The following ANAPC1 variants were observed in gnomAD, a reference collection of about 807,000 sequenced individuals.
The protein encoded by ANAPC1 is anaphase-promoting complex subunit 1.
Under a neutral mutation model 208.0 loss-of-function variants are expected in ANAPC1, and 36 were observed. That is an observed-to-expected ratio of 0.17 (90% CI 0.13 to 0.23). The LOEUF is 0.23. Among genes scored for constraint, ANAPC1 ranks in the 10% least tolerant of loss-of-function variants. The probability of loss-of-function intolerance (pLI) is 1.00; values close to 1 mark genes in which losing one functional copy is unlikely to be tolerated. For missense variants in ANAPC1, 942 were observed against 2,011.6 expected, an observed-to-expected ratio of 0.47 and a Z score of 10.17; for synonymous variants, 378 against 695.2, an observed-to-expected ratio of 0.54 and a Z score of 7.18.
At chr2:111,874,538 C>A (rs1480327089) in intron 3 of ANAPC1, among the ~76,000 whole-genome samples, 5 of 151,874 alleles carry the variant, frequency 3.3e-5, no homozygotes, top group African/African-American at 1.2e-4. Context: ...CCTTTTATAT[C>A]TATTTTATTT....
At position 111,855,937 on chromosome 2, in the gene ANAPC1, T is replaced by C. The variant is rs748685504; in HGVS notation, c.1515+677A>G. On this transcript the variant is annotated intron_variant, in intron 13 of 47. Transcript: ENST00000341068. ...TTCTCTACGTACATTTCACAAATGT[T>C]AAAAAATACAGCTAGCGGCTGGGCG... is the stretch of plus-strand genomic sequence containing the variant. Among the ~76,000 whole-genome samples, 39 of 152,272 alleles carry C rather than the reference T, an allele frequency of 2.6e-4. No homozygotes were observed. The Middle Eastern group carries it at 0.017, about 66-fold the overall frequency.
At chr2:111,856,166 C>T (rs191696116) in intron 13 of ANAPC1, among the ~76,000 whole-genome samples, 1,552 of 152,232 alleles carry the variant, frequency 0.01, 10 homozygotes, top group Non-Finnish European at 0.017. Flanking sequence ...ACCCGGGAGG[C>T]GGAGCTTGCA....
chr2:111,799,028 C>A (rs1678305201), intron 34 of ANAPC1, among the ~76,000 whole-genome samples: 1 of 148,444 alleles, frequency 6.7e-6, no homozygotes, highest in African/African-American at 2.5e-5. Flanking sequence ...AGCAAGACTC[C>A]ATCTCAAAAA....
intron 43 of ANAPC1, among the ~76,000 whole-genome samples, chr2:111,781,433 G>T (rs919151222): frequency 4.6e-5 from 7 of 151,894 alleles, no homozygotes; most frequent in African/African-American, 1.7e-4. Flanking sequence ...GTCAACCCTG[G>T]GAACTATTTA....
At chr2:111,857,564 C>T (rs1311842844) in intron 11 of ANAPC1, among the ~76,000 whole-genome samples, 1 of 152,208 alleles carries the variant, frequency 6.6e-6, no homozygotes, top group Admixed American at 6.5e-5. Context: ...GATAAAGAGA[C>T]ATTAACCTTC....
Position 111,863,914 on chromosome 2 carries a change from G to C in ANAPC1, c.832-19C>G. 6.8e-7 allele frequency: 1 copy of C among 1,478,490 alleles called. No individual in the cohort carries two copies. The highest frequency in any genetic ancestry group is 9.0e-7 in the Non-Finnish European group (1 of 1,115,582). The allele number at this position is 1,478,490 out of a possible 1,614,324, so 91.6% of individuals were successfully genotyped here. A position where few individuals can be genotyped will look rare whatever the true frequency, so the allele number is the denominator to read the frequency against. On this transcript the variant is annotated intron_variant, in intron 8 of 47. Coordinates refer to ENST00000341068, the MANE Select transcript of ANAPC1 (RefSeq NM_022662.4). ...TCTCTTCCTTAAGTCAAAATAAAGA[G>C]AAAGAGGAAAAAAAAAAAAACAATA...
At chr2:111,857,104 C>T (rs7606844) in intron 11 of ANAPC1, 1 of 484,978 alleles carries the variant, frequency 2.1e-6, no homozygotes, top group East Asian at 3.6e-5. Flanking sequence ...TAACGTAAGA[C>T]AGATAAAGAT....
At chr2:111,795,393 T>A (rs182620840) in intron 34 of ANAPC1, among the ~76,000 whole-genome samples, 24,947 of 137,880 alleles carry the variant, frequency 0.18, 2,148 homozygotes, top group Non-Finnish European at 0.21. Context: ...AAAAAAAAAA[T>A]AATAATAATA....
intron 7 of ANAPC1, chr2:111,865,862 G>A (rs1452165252): frequency 2.2e-5 from 5 of 224,868 alleles, no homozygotes; most frequent in East Asian, 1.1e-4. Flanking sequence ...CAGCCTATTC[G>A]TTGCACAAAC....
chr2:111,878,730 T>C (rs1437493142), intron 3 of ANAPC1, 80 bp downstream of exon 3: 6 of 1,580,864 alleles, frequency 3.8e-6, no homozygotes, highest in Non-Finnish European at 3.4e-6. Context: ...GGTTTTATCA[T>C]TTCTGTTAAA....
In ANAPC1 at chr2:111,862,586, A is replaced by C; in HGVS notation, c.1065T>G (p.Ser355=). The change falls in exon 10 of 48, where the codon TCT becomes TCG. Residue 355 remains serine, a synonymous_variant. Coordinates refer to ENST00000341068, the MANE Select transcript of ANAPC1 (RefSeq NM_022662.4). ...SNMAALSRAH[S]PALGVHSFSG... ...AAAAAGAGTGCACTCCTAACGCAGG[A>C]GAATGAGCACGACTGCAAAATAAAC... is the stretch of plus-strand genomic sequence containing the variant. 6.2e-7 allele frequency: 1 copy of C among 1,610,442 alleles called. No individual in the cohort carries two copies. The highest frequency in any genetic ancestry group is 8.5e-7 in the Non-Finnish European group (1 of 1,178,838).
intron 28 of ANAPC1, among the ~76,000 whole-genome samples, chr2:111,810,327 G>A (rs1212561718): frequency 6.6e-6 from 1 of 151,722 alleles, no homozygotes; most frequent in Admixed American, 6.6e-5. Flanking sequence ...TAGAGGAATG[G>A]GGAGTCACCA....
At chr2:111,829,677 G>T (rs957525886) in intron 21 of ANAPC1, among the ~76,000 whole-genome samples, 9 of 151,910 alleles carry the variant, frequency 5.9e-5, no homozygotes, top group African/African-American at 2.2e-4. Context: ...GAGATTTGCA[G>T]CTAGAGGTAA....
At chr2:111,845,071 T>C (rs886827568) in intron 16 of ANAPC1, among the ~76,000 whole-genome samples, 1 of 152,184 alleles carries the variant, frequency 6.6e-6, no homozygotes, top group African/African-American at 2.4e-5. Context: ...TGGTCTCAAA[T>C]TCCTGGCCTC....
chr2:111,827,058 CA>C (rs1272135530), intron 21 of ANAPC1, among the ~76,000 whole-genome samples: 3 of 146,148 alleles, frequency 2.1e-5, no homozygotes, highest in Admixed American at 6.9e-5. Context: ...GCCAGTTTTG[CA>C]AAGTGCCATG....
At chr2:111,854,952 A>G (rs1213547338) in intron 13 of ANAPC1, among the ~76,000 whole-genome samples, 1 of 152,218 alleles carries the variant, frequency 6.6e-6, no homozygotes, top group Non-Finnish European at 1.5e-5. Context: ...GCTCTTGTGC[A>G]CAGGTGGTCT....
intron 39 of ANAPC1, among the ~76,000 whole-genome samples, chr2:111,787,838 A>G (rs889333231): frequency 2.9e-5 from 4 of 140,224 alleles, no homozygotes; most frequent in Admixed American, 2.1e-4. Flanking sequence ...AAAAAAAGAA[A>G]CTCATACAGA....
At chr2:111,778,196 A>G (rs1434261079) in intron 45 of ANAPC1, among the ~76,000 whole-genome samples, 2 of 152,178 alleles carry the variant, frequency 1.3e-5, no homozygotes, top group Admixed American at 6.5e-5. Context: ...TAAAATAGCA[A>G]TAACAAGAGA....
In ANAPC1 at chr2:111,794,786, A is replaced by G; in HGVS notation, c.4373+32T>C. 4 of 983,678 alleles carry G rather than the reference A, an allele frequency of 4.1e-6. No homozygotes were observed. The South Asian group carries it at 6.4e-5, about 16-fold the overall frequency. 60.9% of individuals were successfully genotyped at this position (983,678 alleles called of 1,614,324 possible). A position where few individuals can be genotyped will look rare whatever the true frequency, so the allele number is the denominator to read the frequency against. On this transcript the variant is annotated intron_variant, in intron 35 of 47. Transcript: ENST00000341068. The stretch of plus-strand genomic sequence containing the variant: ...TCAATTTAATTATCTGATAGACGCT[A>G]GGATAGCTAATTTGCATTATACATC...
Sources: allele counts gnomAD v4.1 joint callset (sites outside exome capture counted in the v4.1 genomes callset), GRCh38; gene constraint gnomAD v4.1.1; transcripts MANE v1.5; gene names NCBI Gene and HGNC (gene_info 2026-07-23, HGNC 2026-07-21).